The following EZH1 variants were observed in gnomAD, a reference collection of about 807,000 sequenced individuals.
EZH1 encodes the protein enhancer of zeste 1 polycomb repressive complex 2 subunit, also known as histone-lysine N-methyltransferase EZH1.
In EZH1, 33 loss-of-function variants were observed where a neutral mutation model predicts 100.5. The observed-to-expected ratio is 0.33, with a 90% CI of 0.25 to 0.44. The LOEUF (loss-of-function observed/expected upper bound fraction) is 0.44, where lower values mean the gene tolerates loss of function less well. EZH1 is among the 20% of genes least tolerant of loss of function. The pLI, the probability that EZH1 is intolerant of heterozygous loss-of-function variation, is 1.00. For missense variants in EZH1, 475 were observed against 928.4 expected (o/e 0.51, Z 6.35); for synonymous variants, 272 against 313.8 (o/e 0.87, Z 1.41).
At chr17:42,712,095 C>G (rs1168903988) in intron 12 of EZH1, among the ~76,000 whole-genome samples, 194 bp downstream of exon 12, 1 of 152,106 alleles carries the variant, frequency 6.6e-6, no homozygotes, top group Non-Finnish European at 1.5e-5. Context: ...AGGCGGGTCC[C>G]CAAACATCAT....
chr17:42,727,649 G>C lies in EZH1; in HGVS notation c.232C>G (p.Pro78Ala). 1 of 1,611,952 alleles carries C rather than the reference G, an allele frequency of 6.2e-7. No individual in the cohort carries two copies. Among genetic ancestry groups the C allele is most frequent in the Non-Finnish European group, 8.5e-7 (1 of 1,179,018 alleles). ...CCCAAAAGTACCTTTTTGAGAAAAG[G>C]GTGTCCACTCACAGGCTTCATTGAC... ...VQSMKPVSGH[P>A]FLKKCTIESI... Residue 78 changes from proline to alanine, a missense_variant, in exon 4 of 21, where the codon CCT (proline) becomes GCT (alanine). Pro to Ala is a conservative substitution (Grantham distance 27, BLOSUM62 -1). Around this residue, in one of 8 missense-constraint regions of EZH1, gnomAD observed 105 missense variants for 129.8 expected, o/e 0.81. Coordinates refer to ENST00000428826, the MANE Select transcript of EZH1 (RefSeq NM_001991.5).
At chr17:42,728,641 C>T (rs2053872841) in intron 3 of EZH1, among the ~76,000 whole-genome samples, 184 bp downstream of exon 3, 1 of 150,940 alleles carries the variant, frequency 6.6e-6, no homozygotes, top group South Asian at 2.1e-4. Context: ...AATCGGGAGG[C>T]TGAGGCAGGA....
rs1347789208 is a variant in EZH1, at chr17:42,710,625, G to GTT, written c.1402-690_1402-689dup. On this transcript the variant is annotated intron_variant, in intron 12 of 20. Coordinates refer to ENST00000428826, the MANE Select transcript of EZH1 (RefSeq NM_001991.5). ...CACTTCAGCTCATGGTTCTGTTTTT[G>GTT]TTTGTTTTTTTTTTTTTTTTTTAAG... Among the ~76,000 whole-genome samples, 64 of 121,196 alleles carry GTT rather than the reference G, an allele frequency of 5.3e-4. 6 individuals are homozygous for GTT. The highest frequency in any genetic ancestry group is 9.4e-4 in the East Asian group (4 of 4,238). 79.5% of individuals were successfully genotyped at this position (121,196 alleles called of 152,430 possible). A position where few individuals can be genotyped will look rare whatever the true frequency, so the allele number is the denominator to read the frequency against.
chr17:42,708,295 G>A, intron 14 of EZH1: 1 of 516,894 alleles, frequency 1.9e-6, no homozygotes, highest in South Asian at 2.4e-5. Flanking sequence ...GAGATGGTCT[G>A]GGACAACAGG....
Position 42,727,674 on chromosome 17 carries a change from C to T in EZH1, c.207G>A (p.Gln69=), listed in dbSNP as rs771000132. ...GGTGTCCACTCACAGGCTTCATTGA[C>T]TGAACAGGTTGGACACGAAGCTTCT... ...EWKKLRVQPV[Q]SMKPVSGHPF... is the part of the protein sequence containing the mutation. The change falls in exon 4 of 21, where the codon CAG becomes CAA. Residue 69 remains glutamine, a synonymous_variant. Coordinates refer to ENST00000428826, the MANE Select transcript of EZH1 (RefSeq NM_001991.5). 2.5e-6 allele frequency: 4 copies of T among 1,612,854 alleles called. No individual in the cohort carries two copies. The East Asian group carries it at 8.9e-5, about 36-fold the overall frequency.
At chr17:42,710,534 T>C (rs1333069849) in intron 12 of EZH1, among the ~76,000 whole-genome samples, 2 of 151,832 alleles carry the variant, frequency 1.3e-5, no homozygotes, top group African/African-American at 4.8e-5. Context: ...TACAAATCCA[T>C]AGATGGTTAC....
At chr17:42,720,670 AT>A (rs1299897460) in intron 6 of EZH1, among the ~76,000 whole-genome samples, 2 of 138,886 alleles carry the variant, frequency 1.4e-5, no homozygotes, top group African/African-American at 5.0e-5. Context: ...TATTTTTATT[AT>A]TTTTTTTAGA....
In EZH1 at chr17:42,701,064, T is replaced by A. The variant is rs919888780; in HGVS notation, c.*1468A>T. The A allele has an allele frequency of 9.8e-5, 15 of 152,582 alleles. No individual in the cohort carries two copies. Among genetic ancestry groups the A allele is most frequent in the African/African-American group, 3.6e-4 (15 of 41,424 alleles). 9.5% of individuals were successfully genotyped at this position (152,582 alleles called of 1,614,324 possible). On this transcript the variant is annotated 3_prime_UTR_variant, in exon 21 of 21. Coordinates refer to ENST00000428826, the MANE Select transcript of EZH1 (RefSeq NM_001991.5). ...TTTCTACTCAACATACTGCTCCTTG[T>A]TCCCAGCCAGCCCGGCACACCCACC...
Position 42,702,652 on chromosome 17 carries a change from C to T in EZH1, c.2184-60G>A, listed in dbSNP as rs370532119. The T allele has an allele frequency of 5.5e-5, 82 of 1,502,288 alleles. No homozygotes were observed. In the African/African-American group the frequency reaches 7.3e-4, roughly 13 times the overall value. The allele number at this position is 1,502,288 out of a possible 1,614,324, so 93.1% of individuals were successfully genotyped here. On this transcript the variant is annotated intron_variant, in intron 20 of 20. Transcript: ENST00000428826. ...CTCATGACTTTTGTGATTGAAAAGG[C>T]GGAGTCCCCTCCCGTTTCACTTCCC... is the stretch of plus-strand genomic sequence containing the variant.
chr17:42,727,967 C>T (rs2053856086), intron 3 of EZH1, among the ~76,000 whole-genome samples: 1 of 149,946 alleles, frequency 6.7e-6, no homozygotes, highest in African/African-American at 2.5e-5. Context: ...CAGGCACAGA[C>T]CACCACACCT....
rs1375711630 is a variant in EZH1, at chr17:42,720,258, G to A, written c.664+15C>T. The A allele has an allele frequency of 1.2e-6, 2 of 1,605,112 alleles. No individual in the cohort carries two copies. The highest frequency in any genetic ancestry group is 2.7e-5 in the African/African-American group (2 of 74,516). ...GTCACTTTAAAAAAGGAATAAGGGA[G>A]CCAGTGCTACGTACCTTCAATAGCA... On this transcript the variant is annotated intron_variant, in intron 7 of 20. Transcript: ENST00000428826.
chr17:42,723,157 AT>A (rs1423329942), intron 5 of EZH1, among the ~76,000 whole-genome samples: 2 of 152,164 alleles, frequency 1.3e-5, no homozygotes, highest in Non-Finnish European at 2.9e-5. Context: ...CAGGCGGATC[AT>A]GAGGTCAGGA....
chr17:42,727,414 T>C lies in EZH1; in HGVS notation c.246+221A>G, dbSNP rs1324292645. 3.3e-5 allele frequency among the ~76,000 whole-genome samples: 5 copies of C among 151,912 alleles called. No homozygotes were observed. In the East Asian group the frequency reaches 9.7e-4, roughly 29 times the overall value. On this transcript the variant is annotated intron_variant, in intron 4 of 20. Transcript: ENST00000428826. The stretch of plus-strand genomic sequence containing the variant: ...ACTACACCACCATGTCTGGCTACTT[T>C]TTTAAAAAATTTTTTAGAGACACAG...
At chr17:42,712,150 A>C (rs2053496161) in intron 12 of EZH1, 139 bp downstream of exon 12, 16 of 885,978 alleles carry the variant, frequency 1.8e-5, no homozygotes, top group Middle Eastern at 3.7e-4. Context: ...AAACTCACAG[A>C]AGCACAGGCT....
intron 3 of EZH1, among the ~76,000 whole-genome samples, chr17:42,728,015 C>T (rs2053857364): frequency 6.6e-6 from 1 of 151,168 alleles, no homozygotes; most frequent in Non-Finnish European, 1.5e-5. Flanking sequence ...CAGGGTTTCA[C>T]TATGTTGGCC....
At chr17:42,714,984 T>C (rs1027559771) in intron 10 of EZH1, among the ~76,000 whole-genome samples, 56 of 138,822 alleles carry the variant, frequency 4.0e-4, no homozygotes, top group African/African-American at 1.5e-3. Flanking sequence ...TATATAAATA[T>C]ATTTATATAT....
chr17:42,720,609 C>T (rs1487727213), intron 6 of EZH1, among the ~76,000 whole-genome samples, 160 bp from the exon 7 acceptor site: 1 of 152,190 alleles, frequency 6.6e-6, no homozygotes, highest in Non-Finnish European at 1.5e-5. Context: ...TTGGCTCCTA[C>T]ACATGCAGTG....
At chr17:42,741,697 ATTTTGT>A (rs2054178991) in intron 1 of EZH1, among the ~76,000 whole-genome samples, 1 of 152,074 alleles carries the variant, frequency 6.6e-6, no homozygotes, top group South Asian at 2.1e-4. Context: ...TCGGTTTCTT[ATTTTGT>A]TTTGAGACAG....
chr17:42,724,563 T>C (rs924326465), intron 4 of EZH1, 139 bp from the exon 5 acceptor site: 6 of 904,154 alleles, frequency 6.6e-6, no homozygotes, highest in Non-Finnish European at 8.2e-6. Flanking sequence ...GACAGGCAGA[T>C]CACTTGAAGT....
Sources: gnomAD v4.1 joint callset for allele counts (sites outside exome capture counted in the v4.1 genomes callset) on GRCh38, gnomAD v4.1.1 for gene constraint, gnomAD v4.1.1 regional missense constraint, MANE v1.5 for transcripts, NCBI Gene and HGNC (gene_info 2026-07-23, HGNC 2026-07-21) for gene names.